Variants in THSD7B observed in about 807,000 individuals in gnomAD.
THSD7B encodes thrombospondin type 1 domain containing 7B.
In THSD7B, 138 loss-of-function variants were observed where a neutral mutation model predicts 213.6. The observed-to-expected ratio is 0.65, with a 90% CI of 0.56 to 0.74. The LOEUF (loss-of-function observed/expected upper bound fraction) is 0.74, where lower values mean the gene tolerates loss of function less well. THSD7B is among the 30% of genes least tolerant of loss of function. THSD7B has a pLI of 0.00. For synonymous variants in THSD7B, 742 were observed against 687.0 expected (o/e 1.08, Z -1.25); for missense variants, 1,931 against 1,991.5 (o/e 0.97, Z 0.58).
At chr2:137,450,064 G>A (rs1049119916) in intron 14 of THSD7B, among the ~76,000 whole-genome samples, 6 of 152,142 alleles carry the variant, frequency 3.9e-5, no homozygotes, top group African/African-American at 1.4e-4. Flanking sequence ...TTTTAGACAT[G>A]TTGAATTTTC....
intron 1 of THSD7B, among the ~76,000 whole-genome samples, chr2:136,855,150 T>C (rs111502256): frequency 2.0e-5 from 3 of 152,210 alleles, no homozygotes; most frequent in Non-Finnish European, 2.9e-5. Flanking sequence ...TATATCTCTT[T>C]GGTTTTCTGT....
At chr2:137,149,426 T>C (rs1297052454) in intron 5 of THSD7B, among the ~76,000 whole-genome samples, 1 of 152,104 alleles carries the variant, frequency 6.6e-6, no homozygotes, top group Non-Finnish European at 1.5e-5. Context: ...GTTCTCCAGA[T>C]CCCAGAATGA....
intron 17 of THSD7B, among the ~76,000 whole-genome samples, chr2:137,573,719 A>C (rs1020913360): frequency 5.3e-5 from 8 of 152,096 alleles, no homozygotes; most frequent in African/African-American, 1.7e-4. Flanking sequence ...TTAGGTTGGT[A>C]GTATTACTAG....
intron 1 of THSD7B, among the ~76,000 whole-genome samples, chr2:136,766,656 C>CT (rs564650063): frequency 4.4e-3 from 670 of 152,240 alleles, no homozygotes; most frequent in Non-Finnish European, 7.7e-3. Context: ...GAAGGTGGTA[C>CT]TTTTTTCTTT....
chr2:137,322,124 A>G (rs1247732019), intron 12 of THSD7B, among the ~76,000 whole-genome samples: 1 of 152,154 alleles, frequency 6.6e-6, no homozygotes, highest in African/African-American at 2.4e-5. Flanking sequence ...TAATTTTAAA[A>G]CCTTAAAAAG....
chr2:137,222,511 G>A (rs1190700622), intron 7 of THSD7B, among the ~76,000 whole-genome samples: 1 of 152,096 alleles, frequency 6.6e-6, no homozygotes, highest in African/African-American at 2.4e-5. Flanking sequence ...TGAGAAACAA[G>A]GTTTCCATAT....
chr2:137,262,523 G>A (rs775320502), intron 10 of THSD7B, among the ~76,000 whole-genome samples: 17 of 152,014 alleles, frequency 1.1e-4, no homozygotes, highest in Non-Finnish European at 1.9e-4. Flanking sequence ...AAAGACAAGT[G>A]CAACTTATCA....
At chr2:136,953,528 T>G (rs1296194941) in intron 2 of THSD7B, among the ~76,000 whole-genome samples, 1 of 150,064 alleles carries the variant, frequency 6.7e-6, no homozygotes, top group Non-Finnish European at 1.5e-5. Context: ...AGAGATTATT[T>G]CTAGATTTAT....
At chr2:137,217,873 A>ATTATG (rs1681284183) in intron 7 of THSD7B, among the ~76,000 whole-genome samples, 1 of 152,160 alleles carries the variant, frequency 6.6e-6, no homozygotes, top group Non-Finnish European at 1.5e-5. Flanking sequence ...GACTTAAGAC[A>ATTATG]TTATGCAACC....
At position 137,233,016 on chromosome 2, in the gene THSD7B, T is replaced by G. The variant is rs1558967552; in HGVS notation, c.2033T>G (p.Leu678Trp). The part of the protein sequence containing the change: ...SPWGPCSEDT[L>W]VTALNATIGW... ...TGGGGCCCTTGTTCTGAGGACACAT[T>G]GGTAACTGCCCTTAATGCAACCATT... is the stretch of plus-strand genomic sequence containing the variant. The change falls in exon 9 of 28, where the codon TTG (leucine) becomes TGG (tryptophan). Residue 678 changes from leucine to tryptophan, a missense_variant. Physicochemically the swap from Leu to Trp is moderately conservative, Grantham distance 61 (BLOSUM62 -2). Coordinates refer to ENST00000409968, the MANE Select transcript of THSD7B (RefSeq NM_001316349.2). 11 of 1,613,980 alleles carry G rather than the reference T, an allele frequency of 6.8e-6. No homozygotes were observed. Among genetic ancestry groups the G allele is most frequent in the Non-Finnish European group, 9.3e-6 (11 of 1,179,850 alleles).
chr2:137,568,842 A>G (rs1681294207), intron 16 of THSD7B, among the ~76,000 whole-genome samples: 1 of 152,214 alleles, frequency 6.6e-6, no homozygotes, highest in South Asian at 2.1e-4. Context: ...AAGCCTAACC[A>G]TATCAGCCGG....
intron 12 of THSD7B, among the ~76,000 whole-genome samples, chr2:137,348,740 T>A (rs1328268844): frequency 2.0e-5 from 3 of 150,216 alleles, no homozygotes; most frequent in Non-Finnish European, 4.5e-5. Flanking sequence ...TTTTCAGTTT[T>A]ACTAGGGGCA....
chr2:137,620,789 A>T, intron 20 of THSD7B, 63 bp downstream of exon 20: 1 of 1,363,644 alleles, frequency 7.3e-7, no homozygotes, highest in Non-Finnish European at 1.0e-6. Context: ...TCAGTATGCC[A>T]TAGCTTGATA....
At chr2:136,953,814 A>G (rs1685079230) in intron 2 of THSD7B, among the ~76,000 whole-genome samples, 1 of 152,214 alleles carries the variant, frequency 6.6e-6, no homozygotes, top group South Asian at 2.1e-4. Flanking sequence ...GGTCTCATGG[A>G]CACTCTCTAG....
intron 7 of THSD7B, among the ~76,000 whole-genome samples, chr2:137,197,756 T>C (rs1680794773): frequency 6.6e-6 from 1 of 152,162 alleles, no homozygotes; most frequent in Admixed American, 6.5e-5. Context: ...TCTCTTAACA[T>C]TTTAGGGCAT....
chr2:136,793,956 A>G lies in THSD7B; in HGVS notation c.-36+28269A>G, dbSNP rs948659377. 3.3e-5 allele frequency among the ~76,000 whole-genome samples: 5 copies of G among 151,074 alleles called. No homozygotes were observed. In the South Asian group the frequency reaches 1.0e-3, roughly 31 times the overall value. ...TACAAATTTTCATTGTTTTTCATAC[A>G]TTTTGGTAATTTGTGTTTTTTTTGT... On this transcript the variant is annotated intron_variant, in intron 1 of 27. Coordinates refer to ENST00000409968, the MANE Select transcript of THSD7B (RefSeq NM_001316349.2).
At chr2:137,238,261 G>C (rs1306137037) in intron 9 of THSD7B, among the ~76,000 whole-genome samples, 1 of 152,142 alleles carries the variant, frequency 6.6e-6, no homozygotes, top group African/African-American at 2.4e-5. Context: ...TTCGAGTGTT[G>C]GGTGGGTCCG....
At chr2:137,631,558 CACA>C (rs767753852) in intron 20 of THSD7B, among the ~76,000 whole-genome samples, 3 of 152,132 alleles carry the variant, frequency 2.0e-5, no homozygotes, top group Non-Finnish European at 4.4e-5. Context: ...AACTCCAAAA[CACA>C]ACAACAACTT....
intron 12 of THSD7B, among the ~76,000 whole-genome samples, chr2:137,382,601 C>A (rs977318179): frequency 6.6e-6 from 1 of 152,230 alleles, no homozygotes; most frequent in African/African-American, 2.4e-5. Flanking sequence ...GGGCTGCAGT[C>A]ATCATGCAGA....
Sources: allele counts gnomAD v4.1 joint callset (sites outside exome capture counted in the v4.1 genomes callset), GRCh38; gene constraint gnomAD v4.1.1; transcripts MANE v1.5; gene names NCBI Gene and HGNC (gene_info 2026-07-23, HGNC 2026-07-21).